ADAMTS16: variants seen among roughly 807,000 people sequenced by gnomAD.
The protein encoded by ADAMTS16 is A disintegrin and metalloproteinase with thrombospondin motifs 16.
In ADAMTS16, 94 loss-of-function variants were observed where a neutral mutation model predicts 145.8. That is an observed-to-expected ratio of 0.64 (90% CI 0.55 to 0.77). ADAMTS16 has a LOEUF of 0.77. Ranked by LOEUF, ADAMTS16 falls within the 30% of genes least tolerant of loss-of-function variation. The pLI is 0.00. For synonymous variants in ADAMTS16, 659 were observed against 604.3 expected (o/e 1.09, Z -1.33); for missense variants, 1,585 against 1,591.5 (o/e 1.00, Z 0.07).
intron 2 of ADAMTS16, among the ~76,000 whole-genome samples, chr5:5,145,840 T>C (rs999554958): frequency 5.3e-5 from 8 of 152,126 alleles, no homozygotes; most frequent in Non-Finnish European, 1.0e-4. Flanking sequence ...AGCATGCCCC[T>C]GAGTGGCTGG....
At chr5:5,280,193 A>C (rs1250880830) in intron 18 of ADAMTS16, among the ~76,000 whole-genome samples, 2 of 152,122 alleles carry the variant, frequency 1.3e-5, no homozygotes, top group Non-Finnish European at 2.9e-5. Flanking sequence ...GTTAAGACTG[A>C]GTCACCAAGA....
At chr5:5,215,756 T>C (rs1736408465) in intron 10 of ADAMTS16, among the ~76,000 whole-genome samples, 1 of 146,666 alleles carries the variant, frequency 6.8e-6, no homozygotes, top group African/African-American at 2.5e-5. Context: ...GTGGTGTATA[T>C]ATATGTATGT....
chr5:5,292,797 C>T (rs41528844), intron 18 of ADAMTS16, among the ~76,000 whole-genome samples: 4,677 of 152,240 alleles, frequency 0.031, 237 homozygotes, highest in African/African-American at 0.11. Context: ...CCTATCTTAA[C>T]GTTCACCCCT....
chr5:5,289,545 T>C (rs1389780896), intron 18 of ADAMTS16, among the ~76,000 whole-genome samples: 2 of 152,200 alleles, frequency 1.3e-5, no homozygotes, highest in Non-Finnish European at 2.9e-5. Flanking sequence ...CTCCAACAGG[T>C]CTATCTTGTA....
intron 18 of ADAMTS16, among the ~76,000 whole-genome samples, chr5:5,273,048 C>T (rs1738542821): frequency 6.6e-6 from 1 of 152,166 alleles, no homozygotes; most frequent in South Asian, 2.1e-4. Flanking sequence ...AAGGTTTGCC[C>T]TCTCTGCTGA....
rs1260354840 is a variant in ADAMTS16, at chr5:5,215,870, G to GTGTA, written c.1605+6625_1605+6626insGTAT. 3.8e-3 allele frequency among the ~76,000 whole-genome samples: 385 copies of GTGTA among 101,264 alleles called. 2 individuals are homozygous for GTGTA. Among genetic ancestry groups the GTGTA allele is most frequent in the Non-Finnish European group, 5.0e-3 (273 of 54,904 alleles). The allele number at this position is 101,264 out of a possible 152,430, so 66.4% of individuals were successfully genotyped here. ...ATATATATATATGTGGTGTGTATGT[G>GTGTA]TATATATATATATATATATATATAT... On this transcript the variant is annotated intron_variant, in intron 10 of 22. Transcript: ENST00000274181.
At chr5:5,318,382 G>A in intron 22 of ADAMTS16, 101 bp downstream of exon 22, 1 of 1,170,786 alleles carries the variant, frequency 8.5e-7, no homozygotes, top group Non-Finnish European at 1.1e-6. Flanking sequence ...TCTTGCGTCT[G>A]ATCTACCTTT....
At chr5:5,297,028 G>T (rs762632793) in intron 18 of ADAMTS16, among the ~76,000 whole-genome samples, 3 of 152,222 alleles carry the variant, frequency 2.0e-5, no homozygotes, top group Non-Finnish European at 2.9e-5. Flanking sequence ...GAGCAGGAAT[G>T]ATTCTGACTG....
chr5:5,189,327 G>A (rs1038512935), intron 6 of ADAMTS16, among the ~76,000 whole-genome samples: 2 of 152,124 alleles, frequency 1.3e-5, no homozygotes, highest in Admixed American at 1.3e-4. Context: ...AATGTTCTAC[G>A]CTCTGTTACT....
rs145501358 is a variant in ADAMTS16, at chr5:5,156,822, G to A, written c.501+10367G>A. On this transcript the variant is annotated intron_variant, in intron 3 of 22. Transcript: ENST00000274181. Reference sequence around the variant, plus strand: ...AGAAGTTAGGGTATATCTTCTAGAGGCCTGAGGCCAGACTCTGTATCAAAG... The same window carrying A: ...AGAAGTTAGGGTATATCTTCTAGAGACCTGAGGCCAGACTCTGTATCAAAG... 7.9e-5 allele frequency among the ~76,000 whole-genome samples: 12 copies of A among 152,224 alleles called. No individual in the cohort carries two copies. In the East Asian group the frequency reaches 2.1e-3, roughly 27 times the overall value.
chr5:5,245,316 A>G (rs1299298629), intron 17 of ADAMTS16, among the ~76,000 whole-genome samples: 1 of 152,164 alleles, frequency 6.6e-6, no homozygotes, highest in East Asian at 1.9e-4. Context: ...AAAATCCAAA[A>G]TGAATCTCAT....
intron 9 of ADAMTS16, among the ~76,000 whole-genome samples, chr5:5,205,416 A>C (rs1014968010): frequency 6.6e-6 from 1 of 152,120 alleles, no homozygotes; most frequent in Non-Finnish European, 1.5e-5. Flanking sequence ...TAGACCACTT[A>C]ATTTTTGTAT....
chr5:5,227,569 C>T lies in ADAMTS16; in HGVS notation c.1701+4685C>T, dbSNP rs566287081. On this transcript the variant is annotated intron_variant, in intron 11 of 22. Coordinates refer to ENST00000274181, the MANE Select transcript of ADAMTS16 (RefSeq NM_139056.4). The stretch of plus-strand genomic sequence containing the variant: ...TGTGTCTCTACATGCACTTATATTT[C>T]CCCCAACCTCCTTAGCAGAAGATAC... Among the ~76,000 whole-genome samples, 58 of 151,648 alleles carry T rather than the reference C, an allele frequency of 3.8e-4. 1 individual carries two copies. In the South Asian group the frequency reaches 0.011, roughly 28 times the overall value.
At chr5:5,316,361 A>G (rs1734059208) in intron 21 of ADAMTS16, among the ~76,000 whole-genome samples, 1 of 152,196 alleles carries the variant, frequency 6.6e-6, no homozygotes, top group Admixed American at 6.5e-5. Context: ...TATCTGACCC[A>G]ATCTTCTTGC....
At chr5:5,298,170 C>T (rs1459034565) in intron 18 of ADAMTS16, among the ~76,000 whole-genome samples, 13 of 152,214 alleles carry the variant, frequency 8.5e-5, no homozygotes, top group Admixed American at 8.5e-4. Context: ...TGGCATGTTG[C>T]TGTCATTTCT....
chr5:5,216,536 T>C (rs370286601), intron 10 of ADAMTS16, among the ~76,000 whole-genome samples: 2 of 152,272 alleles, frequency 1.3e-5, no homozygotes, highest in East Asian at 3.9e-4. Context: ...TTTAATTAGG[T>C]CCCAGCTATT....
intron 11 of ADAMTS16, among the ~76,000 whole-genome samples, chr5:5,228,817 A>G (rs969198564): frequency 7.2e-5 from 11 of 152,308 alleles, no homozygotes; most frequent in South Asian, 6.2e-4. Flanking sequence ...AAAGAAATCA[A>G]TGTACTTTGT....
At chr5:5,265,181 T>A (rs1738189274) in intron 18 of ADAMTS16, among the ~76,000 whole-genome samples, 1 of 152,232 alleles carries the variant, frequency 6.6e-6, no homozygotes, top group Admixed American at 6.5e-5. Context: ...TGGAGGCCCC[T>A]TGCTGAGTTG....
chr5:5,237,838 T>G lies in ADAMTS16; in HGVS notation c.2154+739T>G, dbSNP rs77651048. Among the ~76,000 whole-genome samples the G allele has an allele frequency of 3.1e-4, 47 of 152,240 alleles. No individual in the cohort carries two copies. In the East Asian group the frequency reaches 9.1e-3, roughly 29 times the overall value. ...TGGTGGCTAAAGGAACTTAAGTGACTGATGTTACCCTTACCCTGATTGGCA... is the reference window on the plus strand; with the variant it reads ...TGGTGGCTAAAGGAACTTAAGTGACGGATGTTACCCTTACCCTGATTGGCA... On this transcript the variant is annotated intron_variant, in intron 14 of 22. Transcript: ENST00000274181.
Sources: gnomAD v4.1 joint callset for allele counts (sites outside exome capture counted in the v4.1 genomes callset) on GRCh38, gnomAD v4.1.1 for gene constraint, MANE v1.5 for transcripts, NCBI Gene and HGNC (gene_info 2026-07-23, HGNC 2026-07-21) for gene names.